PAX2: variants seen among roughly 807,000 people sequenced by gnomAD.
PAX2 encodes the protein paired box 2.
A neutral mutation model predicts 41.7 loss-of-function variants in PAX2; 9 were observed. The ratio of observed to expected loss-of-function variants is 0.22; its 90% CI spans 0.13 to 0.38. PAX2 has a LOEUF of 0.38. Ranked by LOEUF, PAX2 falls within the 10% of genes least tolerant of loss-of-function variation. The pLI is 1.00. For missense variants in PAX2, 418 were observed against 531.6 expected, an observed-to-expected ratio of 0.79 and a Z score of 2.10; for synonymous variants, 221 against 212.7, an observed-to-expected ratio of 1.04 and a Z score of -0.34.
chr10:100,796,972 C>A (rs922770734), intron 5 of PAX2, among the ~76,000 whole-genome samples: 6 of 152,180 alleles, frequency 3.9e-5, no homozygotes, highest in Non-Finnish European at 8.8e-5. Context: ...CAATTAAATT[C>A]TCTTCATATT....
chr10:100,759,654 A>C (rs1430052281), intron 3 of PAX2, among the ~76,000 whole-genome samples: 1 of 152,170 alleles, frequency 6.6e-6, no homozygotes, highest in Non-Finnish European at 1.5e-5. Flanking sequence ...CAGGGACAGG[A>C]CCGGTGGCTC....
intron 3 of PAX2, among the ~76,000 whole-genome samples, chr10:100,765,926 AT>A (rs1846009127): frequency 6.6e-6 from 1 of 151,634 alleles, no homozygotes; most frequent in Non-Finnish European, 1.5e-5. Flanking sequence ...TATCATCATC[AT>A]CATCATCATC....
intron 3 of PAX2, among the ~76,000 whole-genome samples, chr10:100,769,664 TAAAATAAA>T (rs1428568854): frequency 6.8e-6 from 1 of 147,746 alleles, no homozygotes; most frequent in Non-Finnish European, 1.5e-5. Context: ...TAAAATAAAA[TAAAATAAA>T]AAAATAAAAA....
chr10:100,819,260 G>GCGGT (rs1328687850), intron 7 of PAX2, among the ~76,000 whole-genome samples: 4 of 141,324 alleles, frequency 2.8e-5, no homozygotes, highest in African/African-American at 1.0e-4. Flanking sequence ...AAAAAAAAAA[G>GCGGT]GGGGGGGAGT....
Position 100,826,950 on chromosome 10 carries a change from C to G in PAX2, c.1022-59C>G. 7.4e-6 allele frequency: 9 copies of G among 1,210,506 alleles called. No individual in the cohort carries two copies. Among genetic ancestry groups the G allele is most frequent in the Non-Finnish European group, 8.6e-6 (7 of 817,582 alleles). 75.0% of individuals were successfully genotyped at this position (1,210,506 alleles called of 1,614,324 possible). ...GCGGGCGGAGAAGCCACCGGCCGGA[C>G]TCGTGGGGTCCGCCCTGGCTTGCAG... is the stretch of plus-strand genomic sequence containing the variant. On this transcript the variant is annotated intron_variant, in intron 8 of 9. Transcript: ENST00000355243. The surrounding 1 kb of genome is among the most constrained non-coding windows in gnomAD (Gnocchi z 5.5).
At chr10:100,809,269 C>A (rs202005299) in intron 7 of PAX2, 33 bp downstream of exon 7, 3 of 1,604,344 alleles carry the variant, frequency 1.9e-6, no homozygotes, top group South Asian at 1.1e-5. Flanking sequence ...GGGGGCACTG[C>A]GTTCAGTGGA....
At chr10:100,763,744 T>C (rs1055352547) in intron 3 of PAX2, among the ~76,000 whole-genome samples, 2 of 152,208 alleles carry the variant, frequency 1.3e-5, no homozygotes, top group African/African-American at 4.8e-5. Context: ...AGCAAGTAGG[T>C]GCTTGCTAAG....
At chr10:100,770,508 A>C (rs183646619) in intron 3 of PAX2, among the ~76,000 whole-genome samples, 1 of 152,226 alleles carries the variant, frequency 6.6e-6, no homozygotes, top group Admixed American at 6.5e-5. Context: ...AAACCTATGC[A>C]TATCTTGAAG....
intron 5 of PAX2, among the ~76,000 whole-genome samples, chr10:100,803,291 T>G (rs1847634442): frequency 6.6e-6 from 1 of 152,072 alleles, no homozygotes; most frequent in Admixed American, 6.6e-5. Flanking sequence ...CCTCCTTCTT[T>G]CTGCCCTTCC....
intron 5 of PAX2, among the ~76,000 whole-genome samples, chr10:100,785,300 G>T (rs954784257): frequency 2.0e-5 from 3 of 152,214 alleles, no homozygotes; most frequent in South Asian, 2.1e-4. Context: ...GTATTGAAGC[G>T]CAGGGCAGTT....
intron 3 of PAX2, among the ~76,000 whole-genome samples, chr10:100,762,764 C>T (rs1222282741): frequency 2.0e-5 from 3 of 152,166 alleles, no homozygotes; most frequent in South Asian, 2.1e-4. Flanking sequence ...AGTCACAAAC[C>T]GGCTTTATGC....
In PAX2 at chr10:100,829,330, TC is replaced by T; in HGVS notation, c.*1715del. On this transcript the variant is annotated 3_prime_UTR_variant, in exon 10 of 10. Transcript: ENST00000355243. ...GTCTCTGCTCTTTCCTCGGCCTCTC[TC>T]CCCAGACCTGGCCCGGCCGCCCTGT... 1 of 221,910 alleles carries T rather than the reference TC, an allele frequency of 4.5e-6. No homozygotes were observed. Among genetic ancestry groups the T allele is most frequent in the Non-Finnish European group, 9.0e-6 (1 of 110,822 alleles). 13.7% of individuals were successfully genotyped at this position (221,910 alleles called of 1,614,324 possible).
rs2133994496 is a variant in PAX2 at position 100,829,376 on chromosome 10, G to A, written c.*1757G>A. ...CCCTGTCTCCGCAGGCTAGATCCGA[G>A]GTGGCAGCTCCAGCCCCCGGGCTCG... On this transcript the variant is annotated 3_prime_UTR_variant, in exon 10 of 10. Transcript: ENST00000355243. The A allele has an allele frequency of 4.7e-6, 1 of 212,312 alleles. No homozygotes were observed. The highest frequency in any genetic ancestry group is 2.3e-5 in the African/African-American group (1 of 44,114). 13.2% of individuals were successfully genotyped at this position (212,312 alleles called of 1,614,324 possible). A position where few individuals can be genotyped will look rare whatever the true frequency, so the allele number is the denominator to read the frequency against.
upstream of PAX2, among the ~76,000 whole-genome samples, chr10:100,745,422 C>G (rs1363069517): frequency 6.6e-6 from 1 of 151,968 alleles, no homozygotes; most frequent in Non-Finnish European, 1.5e-5. Context: ...TCGGGGCCCT[C>G]CTCGCCGAAG....
At chr10:100,765,636 A>C (rs1349587500) in intron 3 of PAX2, among the ~76,000 whole-genome samples, 1 of 152,160 alleles carries the variant, frequency 6.6e-6, no homozygotes, top group African/African-American at 2.4e-5. Context: ...TCATTACCAG[A>C]TGCAGGGCCA....
intron 1 of PAX2, among the ~76,000 whole-genome samples, chr10:100,746,858 T>G (rs1364971396): frequency 1.3e-5 from 2 of 152,118 alleles, no homozygotes; most frequent in African/African-American, 2.4e-5. Context: ...AGTGTGGGGG[T>G]GGGGTGCCCC....
Position 100,750,568 on chromosome 10 carries a change from G to A in PAX2, c.213-126G>A. On this transcript the variant is annotated intron_variant, in intron 2 of 9. Coordinates refer to ENST00000355243, the MANE Select transcript of PAX2 (RefSeq NM_000278.5). This position sits in a 1 kb window ranked among gnomAD's most constrained non-coding sequence, Gnocchi z 4.1. The stretch of plus-strand genomic sequence containing the variant: ...CTCAGGAAGTCAGCTCAGCCACACT[G>A]GGCCTTTTCCCTCCACTCCGCTGCC... The A allele has an allele frequency of 1.2e-6, 1 of 808,064 alleles. No individual in the cohort carries two copies. The highest frequency in any genetic ancestry group is 2.0e-6 in the Non-Finnish European group (1 of 495,000). The allele number at this position is 808,064 out of a possible 1,614,324, so 50.1% of individuals were successfully genotyped here.
Position 100,827,811 on chromosome 10 carries a change from G to T in PAX2, c.*192G>T. The T allele has an allele frequency of 1.2e-6, 1 of 835,798 alleles. No homozygotes were observed. Among genetic ancestry groups the T allele is most frequent in the Non-Finnish European group, 1.9e-6 (1 of 534,442 alleles). 51.8% of individuals were successfully genotyped at this position (835,798 alleles called of 1,614,324 possible). On this transcript the variant is annotated 3_prime_UTR_variant, in exon 10 of 10. Transcript: ENST00000355243. The surrounding 1 kb of genome is among the most constrained non-coding windows in gnomAD (Gnocchi z 8.5). ...CCTCGAAGGTCGGACAGGACGGGTG[G>T]AGCCGTGGGCGGGACCCTCAGGCCC...
intron 1 of PAX2, among the ~76,000 whole-genome samples, chr10:100,736,742 C>G (rs1844786714): frequency 6.6e-6 from 1 of 152,140 alleles, no homozygotes; most frequent in Admixed American, 6.5e-5. Context: ...ACCTGAACCC[C>G]CGGGAGTGTC....
Sources: gnomAD v4.1 joint callset for allele counts (sites outside exome capture counted in the v4.1 genomes callset) on GRCh38, gnomAD v4.1.1 for gene constraint, Gnocchi (gnomAD v3.1) non-coding constraint, MANE v1.5 for transcripts, NCBI Gene and HGNC (gene_info 2026-07-23, HGNC 2026-07-21) for gene names.